IRF6: variants seen among roughly 807,000 people sequenced by gnomAD.
The protein encoded by IRF6 is interferon regulatory factor 6, also known as Van der Woude syndrome.
In IRF6, 6 loss-of-function variants were observed where a neutral mutation model predicts 51.4. That is an observed-to-expected ratio of 0.12 (90% confidence interval 0.06 to 0.23). The LOEUF is 0.23. Ranked by LOEUF, IRF6 falls within the 10% of genes least tolerant of loss-of-function variation. IRF6 has a pLI of 1.00. For missense variants in IRF6, 348 were observed against 585.2 expected, an observed-to-expected ratio of 0.59 and a Z score of 4.18; for synonymous variants, 178 against 215.7, an observed-to-expected ratio of 0.83 and a Z score of 1.53.
chr1:209,798,690 C>A (rs980966212), intron 3 of IRF6, among the ~76,000 whole-genome samples: 3 of 152,134 alleles, frequency 2.0e-5, no homozygotes, highest in African/African-American at 7.2e-5. Flanking sequence ...GTGGGTGGAT[C>A]ATGAGGTCAA....
In IRF6 at chr1:209,786,519, G is replaced by A. The variant is rs2077834593; in HGVS notation, c.*1901C>T. On this transcript the variant is annotated 3_prime_UTR_variant, in exon 9 of 9. Transcript: ENST00000367021. ...ACCTACAGTGGGTTTTTAACTTTGA[G>A]TTCCCACGTAGAGATGGGGCAGCCA... The A allele has an allele frequency of 6.6e-6, 1 of 152,082 alleles. No individual in the cohort carries two copies. Among genetic ancestry groups the A allele is most frequent in the Non-Finnish European group, 1.5e-5 (1 of 68,020 alleles). The allele number at this position is 152,082 out of a possible 1,614,324, so 9.4% of individuals were successfully genotyped here.
chr1:209,795,217 G>T, intron 5 of IRF6, 73 bp downstream of exon 5: 1 of 1,539,390 alleles, frequency 6.5e-7, no homozygotes, highest in Non-Finnish European at 9.0e-7. Context: ...GGTGGCCAAT[G>T]TATTGACAGT....
rs1436246164 is a variant in IRF6, at chr1:209,796,936, T to C, written c.175-384A>G. On this transcript the variant is annotated intron_variant, in intron 3 of 8. Transcript: ENST00000367021. The surrounding 1 kb of genome is among the most constrained non-coding windows in gnomAD (Gnocchi z 4.5). ...GATGGTAACTCTGGATAGCAGAATT[T>C]CAAGTAACTTTTTTTCTTTGCTTAT... is the stretch of plus-strand genomic sequence containing the variant. Among the ~76,000 whole-genome samples the C allele has an allele frequency of 6.6e-6, 1 of 152,224 alleles. No homozygotes were observed. The highest frequency in any genetic ancestry group is 1.5e-5 in the Non-Finnish European group (1 of 68,036).
At chr1:209,799,516 T>C (rs949884634) in intron 3 of IRF6, among the ~76,000 whole-genome samples, 3 of 152,230 alleles carry the variant, frequency 2.0e-5, no homozygotes, top group African/African-American at 7.2e-5. Context: ...CCATCAGAGC[T>C]TGGTATCTGT....
chr1:209,789,351 T>TTG lies in IRF6; in HGVS notation c.1179+314_1179+315dup, dbSNP rs57430923. Among the ~76,000 whole-genome samples the TTG allele has an allele frequency of 0.39, 56,741 of 146,770 alleles. 11,075 individuals are homozygous for TTG. Among genetic ancestry groups the TTG allele is most frequent in the Middle Eastern group, 0.45 (127 of 284 alleles). On this transcript the variant is annotated intron_variant, in intron 8 of 8. Coordinates refer to ENST00000367021, the MANE Select transcript of IRF6 (RefSeq NM_006147.4). ...AAAAAAAAAAAAAGTGCAATTTACA[T>TTG]TGTGTGTGTGTGTGTGTGTGTGTGT... is the stretch of plus-strand genomic sequence containing the variant.
In IRF6 at chr1:209,790,568, T is replaced by A. The variant is rs1413971160; in HGVS notation, c.987A>T (p.Pro329=). ...CKVYWSGPCA[P]SLVAPNLIER... Reference sequence around the variant, plus strand: ...CAATCAGGTTGGGAGCAACAAGTGATGGGGCACATGGCCCAGACCAGTACA... The same window carrying A: ...CAATCAGGTTGGGAGCAACAAGTGAAGGGGCACATGGCCCAGACCAGTACA... The change falls in exon 7 of 9, where the codon CCA becomes CCT. Residue 329 remains proline (P), a synonymous_variant. Coordinates refer to ENST00000367021, the MANE Select transcript of IRF6 (RefSeq NM_006147.4). The surrounding 1 kb of genome is among the most constrained non-coding windows in gnomAD (Gnocchi z 4.8). 1.2e-6 allele frequency: 2 copies of A among 1,614,268 alleles called. No individual in the cohort carries two copies. Among genetic ancestry groups the A allele is most frequent in the Admixed American group, 1.7e-5 (1 of 60,030 alleles).
At position 209,786,390 on chromosome 1, in the gene IRF6, C is replaced by T. The variant is rs2077833862; in HGVS notation, c.*2030G>A. The T allele has an allele frequency of 6.6e-6, 1 of 152,178 alleles. No homozygotes were observed. Among genetic ancestry groups the T allele is most frequent in the South Asian group, 2.1e-4 (1 of 4,832 alleles). 9.4% of individuals were successfully genotyped at this position (152,178 alleles called of 1,614,324 possible). ...GCACTTTTCCAATACCCTTTACCAG[C>T]TCACATTATCTGGGCTCCCACCCAG... On this transcript the variant is annotated 3_prime_UTR_variant, in exon 9 of 9. Transcript: ENST00000367021.
chr1:209,800,775 G>C (rs1571985921), intron 3 of IRF6, among the ~76,000 whole-genome samples: 1 of 152,004 alleles, frequency 6.6e-6, no homozygotes, highest in South Asian at 2.1e-4. Context: ...AAAAGAAAAA[G>C]AAAGAAAAAC....
rs777190161 is a variant in IRF6 at position 209,801,319 on chromosome 1, T to C, written c.95A>G (p.Asp32Gly). Reference sequence around the variant, plus strand: ...CCAGGGAATCTGGAAGCGTTTAGAGTCCCTGTGTAGCCAGATGAGCCCAGG... The same window carrying C: ...CCAGGGAATCTGGAAGCGTTTAGAGCCCCTGTGTAGCCAGATGAGCCCAGG... Reference protein sequence around the residue: ...LYPGLIWLHRDSKRFQIPWKH... With the variant: ...LYPGLIWLHRGSKRFQIPWKH... The change falls in exon 3 of 9, where the codon GAC becomes GGC. Residue 32 changes from aspartate to glycine, a missense_variant. Around this residue, in one of 5 missense-constraint regions of IRF6, gnomAD observed 48 missense variants for 128.1 expected, o/e 0.37. Transcript: ENST00000367021. The C allele has an allele frequency of 6.2e-7, 1 of 1,613,484 alleles. No homozygotes were observed. Among genetic ancestry groups the C allele is most frequent in the Non-Finnish European group, 8.5e-7 (1 of 1,179,892 alleles).
At chr1:209,792,939 G>C (rs1010937557) in intron 5 of IRF6, among the ~76,000 whole-genome samples, 3 of 152,108 alleles carry the variant, frequency 2.0e-5, no homozygotes, top group African/African-American at 4.8e-5. Flanking sequence ...GAAATGAAAG[G>C]TTCAGGGACA....
At chr1:209,791,178 G>A (rs989657193) in intron 6 of IRF6, among the ~76,000 whole-genome samples, 16 of 152,142 alleles carry the variant, frequency 1.1e-4, no homozygotes, top group Non-Finnish European at 2.1e-4. Flanking sequence ...GTGTCCCCAC[G>A]CTATACTGAC....
Position 209,790,465 on chromosome 1 carries a change from C to T in IRF6, c.1060+30G>A. 1 of 1,610,378 alleles carries T rather than the reference C, an allele frequency of 6.2e-7. No homozygotes were observed. Among genetic ancestry groups the T allele is most frequent in the Non-Finnish European group, 8.5e-7 (1 of 1,177,802 alleles). ...GGAATGTACTTCCAGAGAGTGATTC[C>T]CACGATCAACTTTCTGAGAAATGAC... On this transcript the variant is annotated intron_variant, in intron 7 of 8. Transcript: ENST00000367021. This position sits in a 1 kb window ranked among gnomAD's most constrained non-coding sequence, Gnocchi z 4.8.
chr1:209,794,660 A>C (rs1453432222), intron 5 of IRF6, among the ~76,000 whole-genome samples: 1 of 152,252 alleles, frequency 6.6e-6, no homozygotes, highest in Admixed American at 6.5e-5. Flanking sequence ...CTGCAGAAAG[A>C]GCAATTCAAC....
Position 209,792,615 on chromosome 1 carries a change from C to G in IRF6, c.509-188G>C, listed in dbSNP as rs1571980929. ...AAATAAGGTTCCCCTGCTCCTGCTT[C>G]CTAGTCATATTATTTCTCCCACAAA... On this transcript the variant is annotated intron_variant, in intron 5 of 8. Coordinates refer to ENST00000367021, the MANE Select transcript of IRF6 (RefSeq NM_006147.4). The G allele has an allele frequency of 8.1e-6, 5 of 620,084 alleles. No individual in the cohort carries two copies. In the East Asian group the frequency reaches 1.4e-4, roughly 17 times the overall value. 38.4% of individuals were successfully genotyped at this position (620,084 alleles called of 1,614,324 possible).
Position 209,803,734 on chromosome 1 carries a change from C to T in IRF6, c.-75-1691G>A, listed in dbSNP as rs371361711. Among the ~76,000 whole-genome samples, 10 of 152,268 alleles carry T rather than the reference C, an allele frequency of 6.6e-5. No homozygotes were observed. In the East Asian group the frequency reaches 1.9e-3, roughly 29 times the overall value. ...AGTCTAAAAACAGGCAGAGATGGAA[C>T]AATTGAAAACCCAAATGGCCAAGAC... On this transcript the variant is annotated intron_variant, in intron 1 of 8. Coordinates refer to ENST00000367021, the MANE Select transcript of IRF6 (RefSeq NM_006147.4).
In IRF6 at chr1:209,789,740, A is replaced by G. The variant is rs1185412313; in HGVS notation, c.1106T>C (p.Phe369Ser). Residue 369 changes from phenylalanine (F) to serine (S), a missense_variant, in exon 8 of 9, where the codon TTT (phenylalanine) becomes TCT (serine). Physicochemically the swap from Phe to Ser is radical, Grantham distance 155. Transcript: ENST00000367021. ...TTCCCCAAAGCATAAGTAGATCTCA[A>G]ACGGTGGCTGCTTCTCTATCTGTCC... ...QKGQIEKQPP[F>S]EIYLCFGEEW... 2 of 1,614,128 alleles carry G rather than the reference A, an allele frequency of 1.2e-6. No individual in the cohort carries two copies. Among genetic ancestry groups the G allele is most frequent in the Non-Finnish European group, 1.7e-6 (2 of 1,179,980 alleles).
intron 2 of IRF6, 103 bp from the exon 3 acceptor site, chr1:209,801,519 T>A: frequency 1.1e-6 from 1 of 924,830 alleles, no homozygotes; most frequent in Non-Finnish European, 1.6e-6. Flanking sequence ...ACAGTTTCAC[T>A]AGATTACAGC....
chr1:209,793,369 C>T (rs530966584), intron 5 of IRF6, among the ~76,000 whole-genome samples: 51 of 152,248 alleles, frequency 3.3e-4, no homozygotes, highest in African/African-American at 1.2e-3. Context: ...TTAAAGGCAG[C>T]TCAAAACATA....
Position 209,796,615 on chromosome 1 carries a change from A to G in IRF6, c.175-63T>C. ...CAGAGCCACTGCAAAGCATGTGCTTACCCTTTCTCATAGACACAAACACAC... is the reference window on the plus strand; with the variant it reads ...CAGAGCCACTGCAAAGCATGTGCTTGCCCTTTCTCATAGACACAAACACAC... On this transcript the variant is annotated intron_variant, in intron 3 of 8. Coordinates refer to ENST00000367021, the MANE Select transcript of IRF6 (RefSeq NM_006147.4). This position sits in a 1 kb window ranked among gnomAD's most constrained non-coding sequence, Gnocchi z 4.5. The G allele has an allele frequency of 1.8e-6, 2 of 1,131,048 alleles. No individual in the cohort carries two copies. The highest frequency in any genetic ancestry group is 2.6e-6 in the Non-Finnish European group (2 of 757,314). The allele number at this position is 1,131,048 out of a possible 1,614,324, so 70.1% of individuals were successfully genotyped here. A position where few individuals can be genotyped will look rare whatever the true frequency, so the allele number is the denominator to read the frequency against.
Sources: gnomAD v4.1 joint callset for allele counts (sites outside exome capture counted in the v4.1 genomes callset) on GRCh38, gnomAD v4.1.1 for gene constraint, gnomAD v4.1.1 regional missense constraint, Gnocchi (gnomAD v3.1) non-coding constraint, MANE v1.5 for transcripts, NCBI Gene and HGNC (gene_info 2026-07-23, HGNC 2026-07-21) for gene names.